Variants in FBLN7 observed in about 807,000 individuals in gnomAD.
The protein encoded by FBLN7 is fibulin-7.
Under a neutral mutation model 44.0 loss-of-function variants are expected in FBLN7, and 31 were observed. The observed-to-expected ratio is 0.70, with a 90% CI of 0.53 to 0.95. The LOEUF is 0.95. FBLN7 is among the 40% of genes least tolerant of loss of function. The pLI is 0.00. For missense variants in FBLN7, 573 were observed against 618.5 expected (o/e 0.93, Z 0.78); for synonymous variants, 262 against 253.4 (o/e 1.03, Z -0.32).
the FBLN7 span, among the ~76,000 whole-genome samples, chr2:112,239,214 C>A: frequency 6.6e-6 from 1 of 152,216 alleles, no homozygotes; most frequent in South Asian, 2.1e-4. Flanking sequence ...AGGCTGATGA[C>A]AGCAATGACT....
intron 1 of FBLN7, among the ~76,000 whole-genome samples, chr2:112,148,774 G>A (rs894887546): frequency 1.2e-4 from 18 of 152,342 alleles, no homozygotes; most frequent in Admixed American, 3.9e-4. Flanking sequence ...TTGTGGTGGT[G>A]GTGATGGTGG....
intron 3 of FBLN7, among the ~76,000 whole-genome samples, chr2:112,170,862 T>C (rs1367058421): frequency 2.0e-5 from 3 of 152,106 alleles, no homozygotes; most frequent in Non-Finnish European, 4.4e-5. Context: ...AGGGGAGAGA[T>C]TGTGGCAGCG....
chr2:112,149,691 T>G (rs1211857630), intron 1 of FBLN7, among the ~76,000 whole-genome samples: 2 of 152,234 alleles, frequency 1.3e-5, no homozygotes, highest in African/African-American at 4.8e-5. Context: ...GGACTTTCCA[T>G]GCTCTTCAGT....
At chr2:112,198,639 AAAAGAAAGAAAG>A in the FBLN7 span, among the ~76,000 whole-genome samples, 22 of 136,376 alleles carry the variant, frequency 1.6e-4, no homozygotes, top group South Asian at 1.3e-3. Context: ...GTCTCAAAAA[AAAAGAAAGAAAG>A]AAAGAAAGAA....
chr2:112,175,858 G>T lies in FBLN7; in HGVS notation c.532+19G>T, dbSNP rs761444431. ...CAGACTGGTATGTAGCCACCATGGG[G>T]TTAGGTGAGGACATCCTGCTGTGGG... is the stretch of plus-strand genomic sequence containing the variant. On this transcript the variant is annotated intron_variant, in intron 4 of 7. Transcript: ENST00000331203. 67 of 1,612,452 alleles carry T rather than the reference G, an allele frequency of 4.2e-5. No individual in the cohort carries two copies. The highest frequency in any genetic ancestry group is 5.5e-5 in the Non-Finnish European group (65 of 1,178,950).
rs576971924 is a variant in FBLN7 at position 112,169,530 on chromosome 2, G to A, written c.406+4359G>A. 2.3e-4 allele frequency among the ~76,000 whole-genome samples: 35 copies of A among 152,298 alleles called. 2 individuals are homozygous for A. The South Asian group carries it at 6.4e-3, about 28-fold the overall frequency. ...AACGAATTTGAGAGATATAAATACCGTTGTCACTTATCGTCATGCTGGTGG... is the reference window on the plus strand; with the variant it reads ...AACGAATTTGAGAGATATAAATACCATTGTCACTTATCGTCATGCTGGTGG... On this transcript the variant is annotated intron_variant, in intron 3 of 7. Coordinates refer to ENST00000331203, the MANE Select transcript of FBLN7 (RefSeq NM_153214.3).
At chr2:112,156,415 C>T (rs1476211809) in intron 1 of FBLN7, among the ~76,000 whole-genome samples, 1 of 152,178 alleles carries the variant, frequency 6.6e-6, no homozygotes, top group Non-Finnish European at 1.5e-5. Flanking sequence ...GGGTTGCTGC[C>T]GGCCAGTAGC....
At chr2:112,180,238 A>G (rs1682917633) in intron 4 of FBLN7, among the ~76,000 whole-genome samples, 1 of 152,234 alleles carries the variant, frequency 6.6e-6, no homozygotes, top group African/African-American at 2.4e-5. Context: ...TGGAAAAAAA[A>G]GCTCCATATC....
downstream of FBLN7, chr2:112,189,985 A>G (rs1430399210): frequency 6.6e-6 from 1 of 152,178 alleles, no homozygotes; most frequent in African/African-American, 2.4e-5. Flanking sequence ...ATTTATTGAT[A>G]TGCATTTTAA....
the FBLN7 span, chr2:112,211,697 T>A: frequency 9.8e-5 from 15 of 152,314 alleles, no homozygotes; most frequent in South Asian, 2.9e-3. Context: ...TATTCCAGTT[T>A]CAGAGATGTT....
the FBLN7 span, among the ~76,000 whole-genome samples, chr2:112,232,760 A>G: frequency 6.6e-6 from 1 of 152,202 alleles, no homozygotes; most frequent in South Asian, 2.1e-4. Context: ...TTTTGTGATG[A>G]CTAAAGGTGC....
chr2:112,181,914 G>C, intron 5 of FBLN7, 38 bp downstream of exon 5: 1 of 1,524,456 alleles, frequency 6.6e-7, no homozygotes, highest in Non-Finnish European at 8.8e-7. Context: ...GGGACAGCAC[G>C]GGGAGGACAT....
chr2:112,160,792 G>A (rs548951273), intron 2 of FBLN7, among the ~76,000 whole-genome samples: 5 of 131,920 alleles, frequency 3.8e-5, no homozygotes, highest in East Asian at 4.3e-4. Context: ...GCACGCACAC[G>A]CACACACGCA....
rs1487527934 is a variant in FBLN7, at chr2:112,187,017, G to A, written c.948-117G>A. 3.1e-6 allele frequency: 4 copies of A among 1,283,340 alleles called. No homozygotes were observed. Among genetic ancestry groups the A allele is most frequent in the Non-Finnish European group, 4.3e-6 (4 of 935,218 alleles). The allele number at this position is 1,283,340 out of a possible 1,614,324, so 79.5% of individuals were successfully genotyped here. The stretch of plus-strand genomic sequence containing the variant: ...CATAGCTCCTGGGTGAAGGACCCGT[G>A]GCTGGGAAAGGTCATCTAGGTGGCC... On this transcript the variant is annotated intron_variant, in intron 7 of 7. Transcript: ENST00000331203. This position sits in a 1 kb window ranked among gnomAD's most constrained non-coding sequence, Gnocchi z 5.1.
intron 1 of FBLN7, among the ~76,000 whole-genome samples, chr2:112,143,004 G>A (rs932110183): frequency 6.6e-6 from 1 of 152,150 alleles, no homozygotes; most frequent in African/African-American, 2.4e-5. Flanking sequence ...GGGGAGGGGA[G>A]GCTGTGTGCT....
At chr2:112,178,009 A>T (rs1329243327) in intron 4 of FBLN7, 1 of 19,186 alleles carries the variant, frequency 5.2e-5, no homozygotes. Context: ...CTAACAATAC[A>T]AAAAAAAAAA....
chr2:112,139,248 G>A (rs1441996455), intron 1 of FBLN7, among the ~76,000 whole-genome samples: 1 of 12,622 alleles, frequency 7.9e-5, no homozygotes, highest in Non-Finnish European at 1.3e-4. Context: ...TGTCCCTCCC[G>A]CCTCTCTCCA....
the FBLN7 span, among the ~76,000 whole-genome samples, chr2:112,226,881 C>A: frequency 6.6e-6 from 1 of 151,916 alleles, no homozygotes; most frequent in African/African-American, 2.4e-5. Flanking sequence ...GTGGGTTTTA[C>A]CTCAAGAATG....
chr2:112,237,132 C>T, the FBLN7 span, among the ~76,000 whole-genome samples: 1 of 152,140 alleles, frequency 6.6e-6, no homozygotes, highest in South Asian at 2.1e-4. Context: ...TAAGTGAAAA[C>T]TGGCATGATA....
Sources: allele counts gnomAD v4.1 joint callset (sites outside exome capture counted in the v4.1 genomes callset), GRCh38; gene constraint gnomAD v4.1.1; non-coding constraint Gnocchi (gnomAD v3.1); transcripts MANE v1.5; gene names NCBI Gene and HGNC (gene_info 2026-07-23, HGNC 2026-07-21).